Variants in SEC23IP observed in about 807,000 individuals in gnomAD.
The protein encoded by SEC23IP is SEC23 interacting protein.
Under a neutral mutation model 113.4 loss-of-function variants are expected in SEC23IP, and 70 were observed. The observed-to-expected ratio is 0.62, with a 90% CI of 0.51 to 0.75. The LOEUF is 0.75. Ranked by LOEUF, SEC23IP falls within the 30% of genes least tolerant of loss-of-function variation. SEC23IP has a pLI of 0.00. For missense variants in SEC23IP, 1,160 were observed against 1,204.9 expected, an observed-to-expected ratio of 0.96 and a Z score of 0.55; for synonymous variants, 398 against 421.0, an observed-to-expected ratio of 0.95 and a Z score of 0.67.
At chr10:119,903,986 C>A in intron 3 of SEC23IP, 98 bp from the exon 4 acceptor site, 1 of 1,310,992 alleles carries the variant, frequency 7.6e-7, no homozygotes, top group Non-Finnish European at 1.1e-6. Flanking sequence ...TCCCAGGGTG[C>A]TGGGATTACA....
Position 119,933,668 on chromosome 10 carries a change from T to C in SEC23IP, c.2922-18T>C, listed in dbSNP as rs781063650. Reference sequence around the variant, plus strand: ...CTTCTAATTGTCTCTTAAGTAAATATGCTTTTCCTTTTCATAGGGAATCTG... The same window carrying C: ...CTTCTAATTGTCTCTTAAGTAAATACGCTTTTCCTTTTCATAGGGAATCTG... On this transcript the variant is annotated intron_variant, in intron 17 of 18. Transcript: ENST00000369075. 5.2e-6 allele frequency: 7 copies of C among 1,358,768 alleles called. No individual in the cohort carries two copies. The East Asian group carries it at 6.9e-5, about 13-fold the overall frequency. The allele number at this position is 1,358,768 out of a possible 1,614,324, so 84.2% of individuals were successfully genotyped here. A position where few individuals can be genotyped will look rare whatever the true frequency, so the allele number is the denominator to read the frequency against.
intron 3 of SEC23IP, 101 bp from the exon 4 acceptor site, chr10:119,903,983 G>T: frequency 8.0e-7 from 1 of 1,248,098 alleles, no homozygotes; most frequent in African/African-American, 1.5e-5. Context: ...GCCTCCCAGG[G>T]TGCTGGGATT....
rs1855029429 is a variant in SEC23IP, at chr10:119,915,743, T to C, written c.1403-5T>C. On this transcript the variant is annotated splice_region_variant and splice_polypyrimidine_tract_variant and intron_variant, in intron 7 of 18. Coordinates refer to ENST00000369075, the MANE Select transcript of SEC23IP (RefSeq NM_007190.4). ...TATTTTCTCTTTTTTTTTTTTCTTT[T>C]GAAGTGGATGATTTTAGGGTGGTTT... The C allele has an allele frequency of 6.5e-7, 1 of 1,542,796 alleles. No homozygotes were observed. The highest frequency in any genetic ancestry group is 8.7e-7 in the Non-Finnish European group (1 of 1,144,752).
chr10:119,903,535 T>C (rs1397051935), intron 3 of SEC23IP, among the ~76,000 whole-genome samples: 2 of 152,210 alleles, frequency 1.3e-5, no homozygotes, highest in Non-Finnish European at 2.9e-5. Context: ...TAGATATTAT[T>C]GTTCTGATAA....
At position 119,940,599 on chromosome 10, in the gene SEC23IP, C is replaced by T. The variant is rs1855936620; in HGVS notation, c.*34C>T. The T allele has an allele frequency of 6.6e-6, 1 of 150,858 alleles. No individual in the cohort carries two copies. Among genetic ancestry groups the T allele is most frequent in the Non-Finnish European group, 1.5e-5 (1 of 67,862 alleles). The allele number at this position is 150,858 out of a possible 1,614,324, so 9.3% of individuals were successfully genotyped here. The stretch of plus-strand genomic sequence containing the variant: ...TTCCTTTTTAAGACTTTCTTGTCTG[C>T]ACAGAAAGTCCCAGTACAACTTCCA... On this transcript the variant is annotated 3_prime_UTR_variant, in exon 19 of 19. Transcript: ENST00000369075.
Position 119,897,302 on chromosome 10 carries a change from G to A in SEC23IP, c.164-1125G>A, listed in dbSNP as rs150880682. The stretch of plus-strand genomic sequence containing the variant: ...TAATAGTAACGTGGACTTTTGAGGT[G>A]ATATACAGGGAAGATGCTTTTATTT... On this transcript the variant is annotated intron_variant, in intron 1 of 18. Transcript: ENST00000369075. Among the ~76,000 whole-genome samples, 21 of 152,348 alleles carry A rather than the reference G, an allele frequency of 1.4e-4. No individual in the cohort carries two copies. The East Asian group carries it at 3.7e-3, about 27-fold the overall frequency.
chr10:119,920,833 A>G (rs776893518), intron 11 of SEC23IP, 56 bp from the exon 12 acceptor site: 296 of 1,184,826 alleles, frequency 2.5e-4, no homozygotes, highest in Non-Finnish European at 3.3e-4. Flanking sequence ...TCATATTCTC[A>G]TTTCAGTTCT....
At chr10:119,899,129 A>C (rs1390576726) in intron 2 of SEC23IP, among the ~76,000 whole-genome samples, 170 bp downstream of exon 2, 2 of 152,238 alleles carry the variant, frequency 1.3e-5, no homozygotes, top group Non-Finnish European at 2.9e-5. Context: ...AAGATAGCTT[A>C]TTGGATGGCT....
At chr10:119,912,206 C>A in intron 6 of SEC23IP, 42 bp downstream of exon 6, 1 of 1,579,756 alleles carries the variant, frequency 6.3e-7, no homozygotes, top group Non-Finnish European at 8.6e-7. Context: ...TTTTAGTCCT[C>A]TCCATTTTAG....
intron 1 of SEC23IP, among the ~76,000 whole-genome samples, chr10:119,895,790 C>T (rs1854262904): frequency 6.6e-6 from 1 of 151,944 alleles, no homozygotes; most frequent in African/African-American, 2.4e-5. Context: ...GGAGCTCATC[C>T]CTCTCTCCTG....
rs759309211 is a variant in SEC23IP, at chr10:119,904,229, A to G, written c.1053A>G (p.Thr351=). The G allele has an allele frequency of 3.1e-6, 5 of 1,614,232 alleles. No homozygotes were observed. In the East Asian group the frequency reaches 8.9e-5, roughly 29 times the overall value. The change falls in exon 4 of 19, where the codon ACA becomes ACG. Residue 351 remains threonine (T), a synonymous_variant. Coordinates refer to ENST00000369075, the MANE Select transcript of SEC23IP (RefSeq NM_007190.4). ...GTACTTGGTTTTACAAGGGGGACACAGATAGTCGATTTATTCCCTATACTG... is the reference window on the plus strand; with the variant it reads ...GTACTTGGTTTTACAAGGGGGACACGGATAGTCGATTTATTCCCTATACTG... ...RRCTWFYKGD[T]DSRFIPYTEE...
chr10:119,893,843 T>A (rs1854185202), intron 1 of SEC23IP, among the ~76,000 whole-genome samples: 1 of 152,202 alleles, frequency 6.6e-6, no homozygotes, highest in Admixed American at 6.5e-5. Context: ...AATACATCAC[T>A]TCTTCCAAGA....
At position 119,915,622 on chromosome 10, in the gene SEC23IP, C is replaced by T. The variant is rs1385595437; in HGVS notation, c.1403-126C>T. On this transcript the variant is annotated intron_variant, in intron 7 of 18. Transcript: ENST00000369075. ...AAAATTTTACTAATTCTCTTATCCTCATTTTTTTCTTTAAAAAATGTATCT... is the reference window on the plus strand; with the variant it reads ...AAAATTTTACTAATTCTCTTATCCTTATTTTTTTCTTTAAAAAATGTATCT... The T allele has an allele frequency of 1.6e-5, 11 of 708,252 alleles. No homozygotes were observed. The South Asian group carries it at 1.9e-4, about 12-fold the overall frequency. 43.9% of individuals were successfully genotyped at this position (708,252 alleles called of 1,614,324 possible).
intron 7 of SEC23IP, 52 bp from the exon 8 acceptor site, chr10:119,915,696 A>G (rs375610852): frequency 7.9e-5 from 104 of 1,318,292 alleles, no homozygotes; most frequent in African/African-American, 4.2e-4. Context: ...CTGACTAGCT[A>G]TCAAGCTAGG....
chr10:119,898,348 G>C (rs1360469292), intron 1 of SEC23IP, 79 bp from the exon 2 acceptor site: 1 of 1,449,024 alleles, frequency 6.9e-7, no homozygotes, highest in South Asian at 1.7e-5. Context: ...AAGTATAATT[G>C]CTAGCCCTTC....
Position 119,919,503 on chromosome 10 carries a change from A to T in SEC23IP, c.1932A>T (p.Lys644Asn), listed in dbSNP as rs1855171487. The change falls in exon 11 of 19, where the codon AAA becomes AAT. Residue 644 changes from lysine to asparagine, a missense_variant. Coordinates refer to ENST00000369075, the MANE Select transcript of SEC23IP (RefSeq NM_007190.4). ...CGTATGACCTTGTTGTTGAAAATAA[A>T]GAAGTCCTAACTTTGCAAGAAACTC... is the stretch of plus-strand genomic sequence containing the variant. ...DESYDLVVEN[K>N]EVLTLQETLE... 1 of 1,613,578 alleles carries T rather than the reference A, an allele frequency of 6.2e-7. No homozygotes were observed. Among genetic ancestry groups the T allele is most frequent in the Non-Finnish European group, 8.5e-7 (1 of 1,179,748 alleles).
Position 119,898,903 on chromosome 10 carries a change from C to A in SEC23IP, c.640C>A (p.Pro214Thr). ...AACACCAGGCCCTCCTGCTCATCCT[C>A]CACCTTCTGGACCCCCTGTTCAGAT... ...CQTPGPPAHP[P>T]PSGPPVQMYQ... The change falls in exon 2 of 19, where the codon CCA becomes ACA. Residue 214 changes from proline (P) to threonine (T), a missense_variant. Coordinates refer to ENST00000369075, the MANE Select transcript of SEC23IP (RefSeq NM_007190.4). 1 of 1,603,322 alleles carries A rather than the reference C, an allele frequency of 6.2e-7. No individual in the cohort carries two copies. The highest frequency in any genetic ancestry group is 1.1e-5 in the South Asian group (1 of 90,942).
chr10:119,910,664 A>G (rs535335407), intron 5 of SEC23IP, among the ~76,000 whole-genome samples: 3 of 152,258 alleles, frequency 2.0e-5, no homozygotes, highest in Non-Finnish European at 4.4e-5. Flanking sequence ...TCTCCTCTCC[A>G]TAGTAACCAC....
intron 4 of SEC23IP, among the ~76,000 whole-genome samples, chr10:119,905,123 A>T (rs1465063283): frequency 6.6e-6 from 1 of 151,630 alleles, no homozygotes; most frequent in Non-Finnish European, 1.5e-5. Context: ...AATGGGAATG[A>T]GACCCTTCCT....
Sources: gnomAD v4.1 joint callset for allele counts (sites outside exome capture counted in the v4.1 genomes callset) on GRCh38, gnomAD v4.1.1 for gene constraint, MANE v1.5 for transcripts, NCBI Gene and HGNC (gene_info 2026-07-23, HGNC 2026-07-21) for gene names.